Variants in NUP205 observed in about 807,000 individuals in gnomAD.
The protein encoded by NUP205 is nucleoporin 205, also known as nuclear pore complex protein Nup205.
Under a neutral mutation model 253.8 loss-of-function variants are expected in NUP205, and 76 were observed. The ratio of observed to expected loss-of-function variants is 0.30; its 90% CI spans 0.25 to 0.36. The LOEUF is 0.36. NUP205 is among the 10% of genes least tolerant of loss of function. NUP205 has a pLI of 1.00. For synonymous variants in NUP205, 832 were observed against 850.1 expected (o/e 0.98, Z 0.37); for missense variants, 2,162 against 2,425.5 (o/e 0.89, Z 2.28).
intron 38 of NUP205, among the ~76,000 whole-genome samples, chr7:135,642,963 T>G (rs1051779048): frequency 2.4e-4 from 36 of 152,296 alleles, no homozygotes; most frequent in East Asian, 5.8e-4. Flanking sequence ...CAGTCAGATT[T>G]CTTTATTCTC....
chr7:135,630,434 C>A lies in NUP205; in HGVS notation c.5023C>A (p.Leu1675Met). The change falls in exon 35 of 43, where the codon CTG becomes ATG. Residue 1675 changes from leucine to methionine, a missense_variant. By Grantham distance (15) the Leu-to-Met change is conservative (BLOSUM62 2). Around this residue, in one of 5 missense-constraint regions of NUP205, gnomAD observed 1,144 missense variants for 1,280.9 expected, o/e 0.89. Transcript: ENST00000285968. Reference protein sequence around the residue: ...VSAGSLQELALLTGIISKAAL... With the variant: ...VSAGSLQELAMLTGIISKAAL... ...TGCTGGGTCTTTGCAGGAATTGGCT[C>A]TGCTGACAGGAATTATAAGTAAAGC... is the stretch of plus-strand genomic sequence containing the variant. The A allele has an allele frequency of 6.2e-7, 1 of 1,610,236 alleles. No individual in the cohort carries two copies. The highest frequency in any genetic ancestry group is 8.5e-7 in the Non-Finnish European group (1 of 1,177,694).
At chr7:135,643,386 A>G (rs1235839786) in intron 39 of NUP205, 28 bp downstream of exon 39, 1 of 1,597,976 alleles carries the variant, frequency 6.3e-7, no homozygotes, top group Non-Finnish European at 8.6e-7. Flanking sequence ...AGCTGGGGGG[A>G]CTTGAGAAAT....
chr7:135,597,516 C>T, intron 14 of NUP205, 98 bp downstream of exon 14: 2 of 718,654 alleles, frequency 2.8e-6, no homozygotes, highest in Admixed American at 4.9e-5. Context: ...CCATAATTAT[C>T]AAATTTAATG....
At chr7:135,590,541 CT>C (rs59222729) in intron 10 of NUP205, among the ~76,000 whole-genome samples, 648 of 144,360 alleles carry the variant, frequency 4.5e-3, no homozygotes, top group African/African-American at 0.011. Flanking sequence ...ATCATAAAAC[CT>C]TTTTTTTTTT....
At chr7:135,629,077 A>T (rs1237339562) in intron 34 of NUP205, among the ~76,000 whole-genome samples, 1 of 152,228 alleles carries the variant, frequency 6.6e-6, no homozygotes, top group Admixed American at 6.5e-5. Context: ...CCTCTTAGAG[A>T]AGCACAGATG....
chr7:135,577,951 T>G lies in NUP205; in HGVS notation c.804T>G (p.Asn268Lys). ...CTAATGGCTCACTGGATGCAGTGAA[T>G]CTGGCTCTTCTTATGGCGCTTCTAT... is the stretch of plus-strand genomic sequence containing the variant. The part of the protein sequence containing the change: ...VEANGSLDAV[N>K]LALLMALLYC... The change falls in exon 6 of 43, where the codon AAT becomes AAG. Residue 268 changes from asparagine (N) to lysine (K), a missense_variant. By Grantham distance (94) the Asn-to-Lys change is moderately conservative. Around this residue, in one of 5 missense-constraint regions of NUP205, gnomAD observed 892 missense variants for 957.1 expected, o/e 0.93. Coordinates refer to ENST00000285968, the MANE Select transcript of NUP205 (RefSeq NM_015135.3). 6.2e-7 allele frequency: 1 copy of G among 1,614,036 alleles called. No homozygotes were observed. The highest frequency in any genetic ancestry group is 8.5e-7 in the Non-Finnish European group (1 of 1,179,930).
At chr7:135,609,029 G>A (rs1165162828) in intron 22 of NUP205, among the ~76,000 whole-genome samples, 14 of 149,864 alleles carry the variant, frequency 9.3e-5, no homozygotes, top group Admixed American at 7.3e-4. Flanking sequence ...GCTTCTACCC[G>A]GGAGGCAGAG....
chr7:135,614,701 A>T lies in NUP205; in HGVS notation c.3310+428A>T, dbSNP rs1794316341. Reference sequence around the variant, plus strand: ...TCTTGAAATGAAAAGTTGAAAACTAATTATGGTAGAAAACAGTTTTAACTT... The same window carrying T: ...TCTTGAAATGAAAAGTTGAAAACTATTTATGGTAGAAAACAGTTTTAACTT... On this transcript the variant is annotated intron_variant, in intron 23 of 42. Coordinates refer to ENST00000285968, the MANE Select transcript of NUP205 (RefSeq NM_015135.3). Among the ~76,000 whole-genome samples the T allele has an allele frequency of 2.0e-5, 3 of 152,220 alleles. 1 individual carries two copies. In the South Asian group the frequency reaches 6.2e-4, roughly 31 times the overall value.
In NUP205 at chr7:135,626,265, T is replaced by TA; in HGVS notation, c.4698dup (p.Gln1567ThrfsTer23). The TA allele has an allele frequency of 6.2e-7, 1 of 1,614,154 alleles. No individual in the cohort carries two copies. The highest frequency in any genetic ancestry group is 8.5e-7 in the Non-Finnish European group (1 of 1,180,018). On this transcript the variant is annotated frameshift_variant, in exon 33 of 43. Transcript: ENST00000285968. LOFTEE classifies it high-confidence loss of function. ...GCATTTCTCACAAGAGTGGCAAAGA[T>TA]ACAGCAGGGTGCATTAGAGCTGCTA...
intron 30 of NUP205, 103 bp downstream of exon 30, chr7:135,619,991 A>G (rs1463738333): frequency 1.3e-6 from 1 of 753,818 alleles, no homozygotes; most frequent in African/African-American, 1.7e-5. Context: ...ACAACTGTAA[A>G]AAATGAGTGT....
At chr7:135,636,581 G>A (rs1218302714) in intron 36 of NUP205, among the ~76,000 whole-genome samples, 3 of 152,050 alleles carry the variant, frequency 2.0e-5, no homozygotes, top group East Asian at 1.9e-4. Flanking sequence ...GGTGAGCTTC[G>A]GAAATGTTTG....
intron 11 of NUP205, 150 bp downstream of exon 11, chr7:135,591,750 C>A: frequency 4.8e-6 from 3 of 622,886 alleles, no homozygotes; most frequent in South Asian, 2.2e-5. Context: ...AGCATGCATA[C>A]AGCTTTATGC....
In NUP205 at chr7:135,589,534, C is replaced by T. The variant is rs1034578276; in HGVS notation, c.1473+1542C>T. ...AACTCCCGACCTCAGGTGATCCACT[C>T]GCCTCAGCCTCCCAAAGTGCTGGGA... On this transcript the variant is annotated intron_variant, in intron 10 of 42. Coordinates refer to ENST00000285968, the MANE Select transcript of NUP205 (RefSeq NM_015135.3). 2.7e-4 allele frequency among the ~76,000 whole-genome samples: 41 copies of T among 151,284 alleles called. 1 individual carries two copies. The highest frequency in any genetic ancestry group is 8.3e-4 in the African/African-American group (34 of 41,098).
At position 135,637,932 on chromosome 7, in the gene NUP205, G is replaced by T; in HGVS notation, c.5138G>T (p.Arg1713Leu). ...AACAAGATATCTTTTTCTTGTTAGC[G>T]CCAGTGCTTAGGACTACTAAGTCGC... ...ELQGHIGRFQ[R>L]QCLGLLSRFG... Residue 1713 changes from arginine to leucine, a missense_variant and splice_region_variant, in exon 37 of 43, where the codon CGC becomes CTC. Coordinates refer to ENST00000285968, the MANE Select transcript of NUP205 (RefSeq NM_015135.3). 1 of 1,604,974 alleles carries T rather than the reference G, an allele frequency of 6.2e-7. No homozygotes were observed. The highest frequency in any genetic ancestry group is 8.5e-7 in the Non-Finnish European group (1 of 1,177,348).
At chr7:135,584,270 A>G (rs1806397233) in intron 7 of NUP205, among the ~76,000 whole-genome samples, 1 of 152,212 alleles carries the variant, frequency 6.6e-6, no homozygotes, top group Non-Finnish European at 1.5e-5. Context: ...GGTGATGGGT[A>G]TGTAGAGGTT....
chr7:135,597,132 CTT>C (rs1793858117), intron 13 of NUP205: 3 of 430,052 alleles, frequency 7.0e-6, no homozygotes, highest in South Asian at 6.1e-5. Context: ...GAAAAAATGT[CTT>C]GTGTGCTCTT....
chr7:135,592,901 T>G, intron 11 of NUP205, 86 bp from the exon 12 acceptor site: 1 of 1,025,952 alleles, frequency 9.7e-7, no homozygotes, highest in Non-Finnish European at 1.5e-6. Flanking sequence ...GAAAAAAGTA[T>G]ATTGTTTTAA....
chr7:135,606,036 G>A (rs1188196362), intron 19 of NUP205, 109 bp from the exon 20 acceptor site: 2 of 728,176 alleles, frequency 2.7e-6, no homozygotes, highest in Non-Finnish European at 4.7e-6. Flanking sequence ...ACCTAAGCAG[G>A]TTTGCCTATT....
intron 12 of NUP205, among the ~76,000 whole-genome samples, chr7:135,593,679 A>T (rs1444006767): frequency 2.6e-5 from 4 of 152,202 alleles, no homozygotes; most frequent in African/African-American, 9.6e-5. Context: ...TCTTTTAGTT[A>T]TGTCTGTTGT....
Sources: allele counts gnomAD v4.1 joint callset (sites outside exome capture counted in the v4.1 genomes callset), GRCh38; gene constraint gnomAD v4.1.1; regional missense constraint gnomAD v4.1.1; transcripts MANE v1.5; gene names NCBI Gene and HGNC (gene_info 2026-07-23, HGNC 2026-07-21).